The following AKAP7 variants were observed in gnomAD, a reference collection of about 807,000 sequenced individuals.
AKAP7 encodes A kinase (PRKA) anchor protein 7.
A neutral mutation model predicts 39.5 loss-of-function variants in AKAP7; 39 were observed. The observed-to-expected ratio is 0.99, with a 90% CI of 0.76 to 1.29. AKAP7 has a LOEUF of 1.29. Among genes scored for constraint, AKAP7 ranks in the 50% most tolerant of loss-of-function variants. The pLI is 0.00. For synonymous variants in AKAP7, 140 were observed against 139.1 expected, an observed-to-expected ratio of 1.01 and a Z score of -0.05; for missense variants, 414 against 407.7, an observed-to-expected ratio of 1.02 and a Z score of -0.13.
intron 1 of AKAP7, among the ~76,000 whole-genome samples, chr6:131,137,080 G>A (rs1306037018): frequency 6.6e-6 from 1 of 152,024 alleles, no homozygotes; most frequent in African/African-American, 2.4e-5. Flanking sequence ...TCCTGTTTCA[G>A]CCTCCCCAAG....
At position 131,135,682 on chromosome 6, in the gene AKAP7, C is replaced by G. The variant is rs1049768796; in HGVS notation, c.-82C>G. Reference sequence around the variant, plus strand: ...CCGAGCCCCGCCCTGGCCTCCGCCTCGGCCTCGCCTCCAGCCCCGGGACGC... The same window carrying G: ...CCGAGCCCCGCCCTGGCCTCCGCCTGGGCCTCGCCTCCAGCCCCGGGACGC... On this transcript the variant is annotated 5_prime_UTR_variant, in exon 1 of 8. Transcript: ENST00000431975. The G allele has an allele frequency of 9.0e-7, 1 of 1,109,498 alleles. No individual in the cohort carries two copies. The highest frequency in any genetic ancestry group is 5.0e-5 in the Admixed American group (1 of 19,838). The allele number at this position is 1,109,498 out of a possible 1,614,324, so 68.7% of individuals were successfully genotyped here. A position where few individuals can be genotyped will look rare whatever the true frequency, so the allele number is the denominator to read the frequency against.
chr6:131,140,253 A>T (rs529957016), intron 1 of AKAP7, among the ~76,000 whole-genome samples: 2 of 143,576 alleles, frequency 1.4e-5, no homozygotes, highest in South Asian at 4.4e-4. Flanking sequence ...AGTGACACAC[A>T]TGCGTTCTAG....
chr6:131,238,490 A>G (rs1811271173), intron 7 of AKAP7, among the ~76,000 whole-genome samples: 1 of 152,086 alleles, frequency 6.6e-6, no homozygotes, highest in African/African-American at 2.4e-5. Context: ...TGATCTGTCT[A>G]ATGTTGACAG....
intron 1 of AKAP7, among the ~76,000 whole-genome samples, chr6:131,141,357 C>T (rs2128224755): frequency 6.6e-6 from 1 of 152,274 alleles, no homozygotes; most frequent in Non-Finnish European, 1.5e-5. Flanking sequence ...TTCCCTTTGC[C>T]TTCCACTATG....
chr6:131,224,314 T>C (rs553458727), intron 7 of AKAP7, among the ~76,000 whole-genome samples: 3 of 152,224 alleles, frequency 2.0e-5, no homozygotes, highest in Non-Finnish European at 4.4e-5. Flanking sequence ...CAGATTTAAT[T>C]GGCCTACCTT....
At chr6:131,257,981 CTT>C (rs1221720497) in intron 7 of AKAP7, among the ~76,000 whole-genome samples, 1 of 152,112 alleles carries the variant, frequency 6.6e-6, no homozygotes, top group South Asian at 2.1e-4. Context: ...AATTAATACA[CTT>C]TTTTTGTTGC....
At chr6:131,189,669 TA>T (rs1007959050) in intron 5 of AKAP7, among the ~76,000 whole-genome samples, 1 of 152,188 alleles carries the variant, frequency 6.6e-6, no homozygotes, top group African/African-American at 2.4e-5. Context: ...ATGTAAAGCC[TA>T]AAAAACAGAT....
chr6:131,268,903 G>A (rs976046471), intron 7 of AKAP7, among the ~76,000 whole-genome samples: 1 of 151,994 alleles, frequency 6.6e-6, no homozygotes, highest in African/African-American at 2.4e-5. Flanking sequence ...TGATTTCTTT[G>A]TTTTTCTACC....
intron 2 of AKAP7, among the ~76,000 whole-genome samples, chr6:131,153,837 A>C (rs1802159821): frequency 6.6e-6 from 1 of 152,222 alleles, no homozygotes; most frequent in Admixed American, 6.5e-5. Flanking sequence ...TAAAAATTTC[A>C]TAAAACAATA....
rs527900399 is a variant in AKAP7, at chr6:131,135,957, A to T, written c.19+175A>T. Among the ~76,000 whole-genome samples, 3 of 151,656 alleles carry T rather than the reference A, an allele frequency of 2.0e-5. No homozygotes were observed. In the East Asian group the frequency reaches 5.9e-4, roughly 30 times the overall value. On this transcript the variant is annotated intron_variant, in intron 1 of 7. Transcript: ENST00000431975. ...GAGAAGCCCGGTGCAACCGGGGTGT[A>T]CATCAGTGCTGCCTGTAGCGAAGCG...
intron 4 of AKAP7, among the ~76,000 whole-genome samples, chr6:131,168,126 A>T (rs1362569729): frequency 1.3e-5 from 2 of 152,166 alleles, no homozygotes; most frequent in Admixed American, 6.5e-5. Context: ...ATTAAGAAAA[A>T]TGTGGCTGGA....
At position 131,179,402 on chromosome 6, in the gene AKAP7, G is replaced by C. The variant is rs958311579; in HGVS notation, c.589+10129G>C. 6.6e-5 allele frequency among the ~76,000 whole-genome samples: 10 copies of C among 152,228 alleles called. No homozygotes were observed. In the East Asian group the frequency reaches 1.9e-3, roughly 29 times the overall value. On this transcript the variant is annotated intron_variant, in intron 5 of 7. Coordinates refer to ENST00000431975, the MANE Select transcript of AKAP7 (RefSeq NM_016377.4). ...TTGGCCAGGCTGGTCTCAAACTCCT[G>C]ACCTCAAGTGATCTGCCTGCCTGGG...
At chr6:131,235,986 A>G (rs1162149093) in intron 7 of AKAP7, among the ~76,000 whole-genome samples, 1 of 152,190 alleles carries the variant, frequency 6.6e-6, no homozygotes, top group Non-Finnish European at 1.5e-5. Flanking sequence ...GCCCATGCCT[A>G]TGTCCTGAAT....
At chr6:131,192,370 G>A (rs1806499001) in intron 5 of AKAP7, among the ~76,000 whole-genome samples, 1 of 152,098 alleles carries the variant, frequency 6.6e-6, no homozygotes, top group African/African-American at 2.4e-5. Context: ...TATGCTCTTG[G>A]CACCTTTGTT....
At chr6:131,170,384 C>T (rs1367247490) in intron 5 of AKAP7, among the ~76,000 whole-genome samples, 3 of 151,526 alleles carry the variant, frequency 2.0e-5, no homozygotes, top group East Asian at 3.9e-4. Flanking sequence ...AAAATAATAA[C>T]CTAGGAATCT....
intron 7 of AKAP7, chr6:131,242,066 G>A (rs543590086): frequency 2.6e-4 from 254 of 982,074 alleles, no homozygotes; most frequent in Non-Finnish European, 2.9e-4. Context: ...GTATCTGACC[G>A]TAATATGTTT....
intron 7 of AKAP7, among the ~76,000 whole-genome samples, chr6:131,222,392 T>G (rs1809782064): frequency 6.6e-6 from 1 of 151,944 alleles, no homozygotes; most frequent in Non-Finnish European, 1.5e-5. Flanking sequence ...CCGGGCGTGG[T>G]GGCGGGCGCC....
chr6:131,132,684 A>C (rs1301652362), upstream of AKAP7, among the ~76,000 whole-genome samples: 1 of 152,002 alleles, frequency 6.6e-6, no homozygotes, highest in Non-Finnish European at 1.5e-5. Flanking sequence ...TTTCCTCATC[A>C]TGTTATTTTA....
chr6:131,239,233 G>A (rs9483234), intron 7 of AKAP7, among the ~76,000 whole-genome samples: 4,147 of 152,188 alleles, frequency 0.027, 130 homozygotes, highest in African/African-American at 0.074. Context: ...TTGAATATTG[G>A]CCCCCACTCT....
Sources: gnomAD v4.1 joint callset for allele counts (sites outside exome capture counted in the v4.1 genomes callset) on GRCh38, gnomAD v4.1.1 for gene constraint, MANE v1.5 for transcripts, NCBI Gene and HGNC (gene_info 2026-07-23, HGNC 2026-07-21) for gene names.